Variants in CYTH1 observed in about 807,000 individuals in gnomAD.
CYTH1 encodes the protein cytohesin-1.
A neutral mutation model predicts 61.8 loss-of-function variants in CYTH1; 18 were observed. The ratio of observed to expected loss-of-function variants is 0.29; its 90% CI spans 0.20 to 0.43. The LOEUF (loss-of-function observed/expected upper bound fraction) is 0.43. Ranked by LOEUF, CYTH1 falls within the 20% of genes least tolerant of loss-of-function variation. CYTH1 has a pLI of 1.00. For missense variants in CYTH1, 336 were observed against 510.5 expected, an observed-to-expected ratio of 0.66 and a Z score of 3.29; for synonymous variants, 174 against 184.3, an observed-to-expected ratio of 0.94 and a Z score of 0.45.
intron 1 of CYTH1, among the ~76,000 whole-genome samples, chr17:78,752,949 G>A (rs1184631714): frequency 6.6e-6 from 1 of 152,040 alleles, no homozygotes; most frequent in African/African-American, 2.4e-5. Context: ...TCATAATCTT[G>A]GGAAACAGGA....
intron 1 of CYTH1, among the ~76,000 whole-genome samples, chr17:78,714,935 C>T (rs1420885980): frequency 6.6e-6 from 1 of 151,716 alleles, no homozygotes; most frequent in Non-Finnish European, 1.5e-5. Flanking sequence ...AAAAAGAATA[C>T]GGCCTTGCAA....
intron 1 of CYTH1, among the ~76,000 whole-genome samples, chr17:78,726,590 C>A (rs1359378746): frequency 1.3e-5 from 2 of 151,918 alleles, no homozygotes; most frequent in African/African-American, 4.8e-5. Context: ...CCAGGTTAGT[C>A]CAAGACGGTT....
chr17:78,692,593 G>C (rs1285398334), intron 10 of CYTH1, 100 bp from the exon 11 acceptor site: 3 of 1,134,138 alleles, frequency 2.6e-6, no homozygotes, highest in South Asian at 2.6e-5. Context: ...AGGGTTGGGG[G>C]AGAGGCATCA....
intron 1 of CYTH1, among the ~76,000 whole-genome samples, chr17:78,740,649 G>A (rs1211623843): frequency 6.6e-6 from 1 of 152,170 alleles, no homozygotes; most frequent in African/African-American, 2.4e-5. Flanking sequence ...CCTTAAAATA[G>A]ACATTTAACC....
At chr17:78,696,866 G>A (rs1256701258) in intron 9 of CYTH1, 4 of 152,132 alleles carry the variant, frequency 2.6e-5, no homozygotes, top group South Asian at 2.1e-4. Context: ...CACTTTAAAC[G>A]TTTCCAGTAG....
chr17:78,766,782 G>T (rs1048471946), intron 1 of CYTH1, among the ~76,000 whole-genome samples: 5 of 152,110 alleles, frequency 3.3e-5, no homozygotes, highest in Middle Eastern at 3.2e-3. Context: ...GACATAAATA[G>T]CATATAAGGT....
chr17:78,766,528 G>A (rs2093449390), intron 1 of CYTH1, among the ~76,000 whole-genome samples: 1 of 152,090 alleles, frequency 6.6e-6, no homozygotes, highest in Non-Finnish European at 1.5e-5. Context: ...CTACCCGGGG[G>A]ATTAAGGAAA....
intron 1 of CYTH1, among the ~76,000 whole-genome samples, chr17:78,730,350 C>A (rs1191406719): frequency 6.9e-6 from 1 of 145,774 alleles, no homozygotes; most frequent in Admixed American, 6.9e-5. Context: ...ACGGTGAAAC[C>A]CCATCTCTAC....
At chr17:78,761,110 G>C (rs1446739779) in intron 1 of CYTH1, among the ~76,000 whole-genome samples, 2 of 152,084 alleles carry the variant, frequency 1.3e-5, no homozygotes, top group African/African-American at 4.8e-5. Context: ...CTGGATTACA[G>C]GTGTGAGCCA....
At chr17:78,687,930 G>C (rs1327236926) in intron 11 of CYTH1, among the ~76,000 whole-genome samples, 2 of 152,340 alleles carry the variant, frequency 1.3e-5, no homozygotes, top group South Asian at 2.1e-4. Context: ...TGCCTTTAGA[G>C]AGCGTCTCAC....
chr17:78,747,046 T>C (rs2093361974), intron 1 of CYTH1, among the ~76,000 whole-genome samples: 1 of 146,928 alleles, frequency 6.8e-6, no homozygotes, highest in South Asian at 2.1e-4. Flanking sequence ...TGCCAAGCAC[T>C]ATGTTAGCCA....
At chr17:78,741,550 A>C (rs2093341948) in intron 1 of CYTH1, among the ~76,000 whole-genome samples, 1 of 152,176 alleles carries the variant, frequency 6.6e-6, no homozygotes, top group African/African-American at 2.4e-5. Flanking sequence ...AAGTGAGGGC[A>C]GAGTTTAGAG....
intron 1 of CYTH1, among the ~76,000 whole-genome samples, chr17:78,777,779 G>T (rs1045463743): frequency 6.7e-6 from 1 of 148,452 alleles, no homozygotes; most frequent in African/African-American, 2.5e-5. Flanking sequence ...GAGGTCAGGA[G>T]ATCGAGACCA....
At chr17:78,776,658 CAAAAA>C (rs1179473215) in intron 1 of CYTH1, among the ~76,000 whole-genome samples, 1 of 88,344 alleles carries the variant, frequency 1.1e-5, no homozygotes. Context: ...GACTCTGTCT[CAAAAA>C]AAAAAAAAAA....
At chr17:78,760,519 A>G (rs12325860) in intron 1 of CYTH1, among the ~76,000 whole-genome samples, 1,087 of 47,564 alleles carry the variant, frequency 0.023, 144 homozygotes, top group African/African-American at 0.093. Context: ...ATATATATGT[A>G]TATATATATA....
chr17:78,730,536 CA>C (rs993348262), intron 1 of CYTH1, among the ~76,000 whole-genome samples: 6 of 134,210 alleles, frequency 4.5e-5, no homozygotes, highest in Admixed American at 7.5e-5. Context: ...GACTCCGTCT[CA>C]AAAAAAAAAC....
chr17:78,758,944 C>G (rs1309624868), intron 1 of CYTH1, among the ~76,000 whole-genome samples: 1 of 152,018 alleles, frequency 6.6e-6, no homozygotes, highest in Non-Finnish European at 1.5e-5. Context: ...GTCTCGTTAT[C>G]TACTTTCGGC....
chr17:78,762,075 A>T (rs950234328), intron 1 of CYTH1, among the ~76,000 whole-genome samples: 2 of 152,258 alleles, frequency 1.3e-5, no homozygotes, highest in South Asian at 4.1e-4. Flanking sequence ...TTGTGCCAAC[A>T]TCTTCTAGAA....
chr17:78,716,655 GC>G (rs1157880613), intron 1 of CYTH1, among the ~76,000 whole-genome samples: 2 of 152,138 alleles, frequency 1.3e-5, no homozygotes, highest in African/African-American at 2.4e-5. Context: ...CTGAGATGAG[GC>G]AAAATCTAAT....
Sources: allele counts gnomAD v4.1 joint callset (sites outside exome capture counted in the v4.1 genomes callset), GRCh38; gene constraint gnomAD v4.1.1; transcripts MANE v1.5; gene names NCBI Gene and HGNC (gene_info 2026-07-23, HGNC 2026-07-21).